STON2: variants seen among roughly 807,000 people sequenced by gnomAD.
STON2 encodes stonin-2.
STON2 carries 29 observed loss-of-function variants against 65.7 expected under a neutral mutation model. That is an observed-to-expected ratio of 0.44 (90% CI 0.33 to 0.60). The LOEUF (loss-of-function observed/expected upper bound fraction) is 0.60. STON2 is among the 20% of genes least tolerant of loss of function. The probability of loss-of-function intolerance (pLI) is 0.03; values close to 1 mark genes in which losing one functional copy is unlikely to be tolerated. For missense variants in STON2, 1,054 were observed against 1,118.1 expected, an observed-to-expected ratio of 0.94 and a Z score of 0.82; for synonymous variants, 404 against 414.2, an observed-to-expected ratio of 0.98 and a Z score of 0.30.
At chr14:81,287,545 C>T (rs1895383591) in intron 5 of STON2, among the ~76,000 whole-genome samples, 1 of 152,146 alleles carries the variant, frequency 6.6e-6, no homozygotes, top group Non-Finnish European at 1.5e-5. Flanking sequence ...TCAGCCTGCC[C>T]TGCCAACTCC....
intron 6 of STON2, among the ~76,000 whole-genome samples, chr14:81,274,258 C>A (rs1894716574): frequency 1.3e-5 from 2 of 152,102 alleles, no homozygotes; most frequent in Admixed American, 1.3e-4. Context: ...ACCATGACAG[C>A]AAAATCAGTA....
intron 5 of STON2, among the ~76,000 whole-genome samples, chr14:81,288,623 A>G (rs1421523253): frequency 6.6e-6 from 1 of 152,228 alleles, no homozygotes; most frequent in Non-Finnish European, 1.5e-5. Flanking sequence ...TTATGAGCCG[A>G]TCAAAGAGAA....
chr14:81,306,793 T>A (rs1896201103), intron 5 of STON2: 1 of 152,112 alleles, frequency 6.6e-6, no homozygotes, highest in Non-Finnish European at 1.5e-5. Flanking sequence ...AAACTGAGCA[T>A]CCTCCAATAA....
chr14:81,418,414 G>A (rs1901542980), intron 2 of STON2, among the ~76,000 whole-genome samples: 1 of 152,120 alleles, frequency 6.6e-6, no homozygotes, highest in Admixed American at 6.5e-5. Flanking sequence ...GATTTGGGTG[G>A]GGACACAGCC....
rs117124710 is a variant in STON2 at position 81,376,207 on chromosome 14, A to T, written c.374-5022T>A. Among the ~76,000 whole-genome samples, 66 of 151,902 alleles carry T rather than the reference A, an allele frequency of 4.3e-4. No homozygotes were observed. In the East Asian group the frequency reaches 9.5e-3, roughly 22 times the overall value. ...ATAAATATAAAATCATAAATTATTT[A>T]AAAAATTTTAAAATACACAGATAAA... On this transcript the variant is annotated intron_variant, in intron 3 of 7. Coordinates refer to ENST00000614646, the MANE Select transcript of STON2 (RefSeq NM_001394390.1).
intron 4 of STON2, among the ~76,000 whole-genome samples, chr14:81,359,226 C>T (rs1898384023): frequency 6.6e-6 from 1 of 152,118 alleles, no homozygotes; most frequent in African/African-American, 2.4e-5. Context: ...GGAAATCAAT[C>T]ACATGGAGAA....
At chr14:81,362,648 T>A (rs955579197) in intron 4 of STON2, among the ~76,000 whole-genome samples, 1 of 152,226 alleles carries the variant, frequency 6.6e-6, no homozygotes, top group Non-Finnish European at 1.5e-5. Flanking sequence ...TCAAATCTTC[T>A]CACCACAAAA....
In STON2 at chr14:81,396,037, A is replaced by G. The variant is rs141960457; in HGVS notation, c.230T>C (p.Leu77Pro). ...AGGTGGGGAAGCTGCTTCAGAGATG[A>G]GGCCCATCTTTTCAGAGGAGTCATC... ...EQDDSSEKMG[L>P]ISEAASPPGS... The change falls in exon 3 of 8, where the codon CTC becomes CCC. Residue 77 changes from leucine (L) to proline (P), a missense_variant. Physicochemically the swap from Leu to Pro is moderately conservative, Grantham distance 98. Coordinates refer to ENST00000614646, the MANE Select transcript of STON2 (RefSeq NM_001394390.1). 16 of 1,614,168 alleles carry G rather than the reference A, an allele frequency of 9.9e-6. No individual in the cohort carries two copies. The highest frequency in any genetic ancestry group is 1.2e-5 in the Non-Finnish European group (14 of 1,180,014).
intron 2 of STON2, among the ~76,000 whole-genome samples, chr14:81,410,907 G>A (rs1002145930): frequency 4.6e-5 from 7 of 152,250 alleles, no homozygotes; most frequent in East Asian, 1.9e-4. Flanking sequence ...AAAATCAACC[G>A]TTATCCATAG....
intron 6 of STON2, among the ~76,000 whole-genome samples, chr14:81,271,397 T>C (rs774885451): frequency 1.3e-5 from 2 of 152,202 alleles, no homozygotes; most frequent in Non-Finnish European, 2.9e-5. Context: ...AAATAGCACA[T>C]AGATATTAGG....
intron 5 of STON2, among the ~76,000 whole-genome samples, chr14:81,280,956 A>AG (rs1261378697): frequency 6.6e-6 from 1 of 151,140 alleles, no homozygotes; most frequent in Admixed American, 6.6e-5. Flanking sequence ...GGTTGCAGTG[A>AG]GCCGAGATGG....
Position 81,324,068 on chromosome 14 carries a change from T to A in STON2, c.691A>T (p.Lys231Ter), listed in dbSNP as rs1368909745. The change falls in exon 5 of 8, where the codon AAG becomes TAG. Residue 231 changes from lysine to a stop codon, truncating the protein, a stop_gained. Coordinates refer to ENST00000614646, the MANE Select transcript of STON2 (RefSeq NM_001394390.1). LOFTEE classifies it high-confidence loss of function. ...LDPSPPSPQP[K>*]RSQNPGEGPE... ...CCCTCGCCGGGGTTCTGGCTCCTCT[T>A]GGGCTGGGGTGAGGGTGGCGAGGGG... Among the ~76,000 whole-genome samples, 1 of 152,164 alleles carries A rather than the reference T, an allele frequency of 6.6e-6. No homozygotes were observed. The highest frequency in any genetic ancestry group is 1.5e-5 in the Non-Finnish European group (1 of 68,016).
At position 81,267,537 on chromosome 14, in the gene STON2, T is replaced by C; in HGVS notation, c.*877A>G. The C allele has an allele frequency of 2.0e-6, 2 of 985,380 alleles. No individual in the cohort carries two copies. Among genetic ancestry groups the C allele is most frequent in the Non-Finnish European group, 2.4e-6 (2 of 829,864 alleles). 61.0% of individuals were successfully genotyped at this position (985,380 alleles called of 1,614,324 possible). A position where few individuals can be genotyped will look rare whatever the true frequency, so the allele number is the denominator to read the frequency against. On this transcript the variant is annotated 3_prime_UTR_variant, in exon 8 of 8. Coordinates refer to ENST00000614646, the MANE Select transcript of STON2 (RefSeq NM_001394390.1). ...AAATGCCTCAGGTATTATGTATATT[T>C]GTTTCAGGAATCAGAAGTGGACTGT...
At chr14:81,377,851 G>T (rs1275773305) in intron 3 of STON2, among the ~76,000 whole-genome samples, 28 of 143,450 alleles carry the variant, frequency 2.0e-4, no homozygotes, top group Admixed American at 1.4e-4. Context: ...TCATTTTTTT[G>T]TTTTTTTTTT....
chr14:81,282,243 T>C (rs544860392), intron 5 of STON2, among the ~76,000 whole-genome samples: 2 of 152,328 alleles, frequency 1.3e-5, no homozygotes, highest in African/African-American at 4.8e-5. Flanking sequence ...TCCATGTAGC[T>C]GTCAAGATGA....
intron 4 of STON2, among the ~76,000 whole-genome samples, 97 bp from the exon 5 acceptor site, chr14:81,324,284 G>A (rs1363627547): frequency 6.6e-6 from 1 of 152,260 alleles, no homozygotes; most frequent in African/African-American, 2.4e-5. Context: ...GAGGCCAGGC[G>A]CAGACAGGAG....
At chr14:81,280,979 C>A (rs1475716143) in intron 5 of STON2, among the ~76,000 whole-genome samples, 2 of 149,980 alleles carry the variant, frequency 1.3e-5, no homozygotes, top group Non-Finnish European at 3.0e-5. Flanking sequence ...CTACTGCACT[C>A]CAGTCTGAGC....
intron 4 of STON2, among the ~76,000 whole-genome samples, chr14:81,329,178 G>A (rs1485785945): frequency 6.6e-6 from 1 of 152,134 alleles, no homozygotes; most frequent in East Asian, 1.9e-4. Flanking sequence ...AGACATGGCC[G>A]GGCGCGGTGG....
At chr14:81,402,825 G>A (rs1250496632), upstream of STON2, among the ~76,000 whole-genome samples, 1 of 152,124 alleles carries the variant, frequency 6.6e-6, no homozygotes, top group East Asian at 1.9e-4. Flanking sequence ...CTACTATCCA[G>A]CCTATTATGG....
Sources: allele counts gnomAD v4.1 joint callset (sites outside exome capture counted in the v4.1 genomes callset), GRCh38; gene constraint gnomAD v4.1.1; transcripts MANE v1.5; gene names NCBI Gene and HGNC (gene_info 2026-07-23, HGNC 2026-07-21).